ADD3: variants seen among roughly 807,000 people sequenced by gnomAD.
ADD3 encodes the protein gamma-adducin.
ADD3 carries 25 observed loss-of-function variants against 80.2 expected under a neutral mutation model. The observed-to-expected ratio is 0.31, with a 90% CI of 0.23 to 0.44. The LOEUF (loss-of-function observed/expected upper bound fraction) is 0.44, where lower values mean the gene tolerates loss of function less well. Ranked by LOEUF, ADD3 falls within the 20% of genes least tolerant of loss-of-function variation. The pLI, the probability that ADD3 is intolerant of heterozygous loss-of-function variation, is 1.00. For missense variants in ADD3, 829 were observed against 847.5 expected (o/e 0.98, Z 0.27); for synonymous variants, 284 against 289.6 (o/e 0.98, Z 0.20).
intron 1 of ADD3, among the ~76,000 whole-genome samples, chr10:110,000,505 T>C (rs941662811): frequency 6.6e-6 from 1 of 152,258 alleles, no homozygotes; most frequent in Non-Finnish European, 1.5e-5. Context: ...CTATGTGCCA[T>C]GCTCTGTTAT....
chr10:110,010,911 G>A (rs189338981), intron 1 of ADD3, among the ~76,000 whole-genome samples: 35 of 152,192 alleles, frequency 2.3e-4, no homozygotes, highest in Admixed American at 1.6e-3. Flanking sequence ...ACATCCTCTG[G>A]TATTAATACC....
intron 3 of ADD3, among the ~76,000 whole-genome samples, chr10:110,114,622 T>A (rs1466145580): frequency 6.6e-6 from 1 of 151,906 alleles, no homozygotes; most frequent in East Asian, 1.9e-4. Context: ...GTTAAGGAGG[T>A]AGAGGTTACT....
At chr10:110,108,890 C>T (rs893846046) in intron 2 of ADD3, among the ~76,000 whole-genome samples, 9 of 152,074 alleles carry the variant, frequency 5.9e-5, no homozygotes, top group Admixed American at 1.3e-4. Flanking sequence ...TTTTTTATAC[C>T]TATACTGCGT....
At chr10:110,033,149 A>T (rs1855253148) in intron 1 of ADD3, among the ~76,000 whole-genome samples, 1 of 152,232 alleles carries the variant, frequency 6.6e-6, no homozygotes, top group South Asian at 2.1e-4. Flanking sequence ...AACCCTGTTG[A>T]ATGGCTTTAC....
chr10:110,120,523 G>T (rs1332681717), intron 8 of ADD3, among the ~76,000 whole-genome samples: 1 of 151,888 alleles, frequency 6.6e-6, no homozygotes, highest in Non-Finnish European at 1.5e-5. Context: ...GAATAATGCC[G>T]CAATAAACAT....
At chr10:110,091,404 A>C (rs1316157419) in intron 1 of ADD3, among the ~76,000 whole-genome samples, 1 of 152,240 alleles carries the variant, frequency 6.6e-6, no homozygotes, top group Non-Finnish European at 1.5e-5. Flanking sequence ...TACAGTAACT[A>C]AAACAGCCTG....
intron 1 of ADD3, among the ~76,000 whole-genome samples, chr10:110,022,254 A>G (rs1486266036): frequency 2.0e-5 from 3 of 152,142 alleles, no homozygotes; most frequent in Non-Finnish European, 2.9e-5. Context: ...TAAGTTTATT[A>G]GGTCTTAAGC....
chr10:110,079,139 T>C (rs934803798), intron 1 of ADD3: 2 of 152,158 alleles, frequency 1.3e-5, no homozygotes, highest in Non-Finnish European at 2.9e-5. Flanking sequence ...TGAAAAGCAT[T>C]GAGAAGGCTT....
chr10:110,042,432 G>C (rs2133308529), intron 1 of ADD3, among the ~76,000 whole-genome samples: 1 of 152,256 alleles, frequency 6.6e-6, no homozygotes, highest in East Asian at 1.9e-4. Context: ...TTGTCGGTCA[G>C]TCTTGCTCAA....
chr10:110,131,083 A>G (rs1852917733), intron 13 of ADD3, among the ~76,000 whole-genome samples: 1 of 152,086 alleles, frequency 6.6e-6, no homozygotes, highest in East Asian at 1.9e-4. Flanking sequence ...TAAAATCTCT[A>G]TTTCTGGTTA....
chr10:110,118,817 A>G (rs12246445), intron 6 of ADD3, 81 bp downstream of exon 6: 14 of 1,374,630 alleles, frequency 1.0e-5, no homozygotes, highest in Middle Eastern at 1.8e-4. Context: ...ATGCTTTACT[A>G]TCTGCTTTTC....
At chr10:110,067,133 T>C (rs1403745789) in intron 1 of ADD3, among the ~76,000 whole-genome samples, 2 of 152,200 alleles carry the variant, frequency 1.3e-5, no homozygotes, top group Non-Finnish European at 2.9e-5. Context: ...TAGGAAGATA[T>C]TAATGCTTAG....
intron 9 of ADD3, among the ~76,000 whole-genome samples, chr10:110,123,111 C>T (rs1242729033): frequency 1.3e-5 from 2 of 152,128 alleles, no homozygotes; most frequent in Non-Finnish European, 2.9e-5. Context: ...ATTTATATCC[C>T]ATCCATCAAT....
intron 2 of ADD3, among the ~76,000 whole-genome samples, chr10:110,109,229 T>TTTTCTAAAATGA (rs1849717548): frequency 1.3e-5 from 2 of 152,208 alleles, no homozygotes; most frequent in Non-Finnish European, 2.9e-5. Flanking sequence ...GGTTGATTTT[T>TTTTCTAAAATGA]TTTTTTAATC....
Position 110,102,965 on chromosome 10 carries a change from A to G in ADD3, c.195+2117A>G, listed in dbSNP as rs534822211. Among the ~76,000 whole-genome samples, 7 of 152,234 alleles carry G rather than the reference A, an allele frequency of 4.6e-5. No individual in the cohort carries two copies. In the South Asian group the frequency reaches 1.2e-3, roughly 27 times the overall value. ...TGAAATAATGTGAAAGGGCAAACGC[A>G]TAGTGTATCATTTCCCTATTCACTT... On this transcript the variant is annotated intron_variant, in intron 2 of 14. Coordinates refer to ENST00000356080, the MANE Select transcript of ADD3 (RefSeq NM_016824.5).
At chr10:110,106,076 C>T (rs1849366686) in intron 2 of ADD3, 1 of 151,806 alleles carries the variant, frequency 6.6e-6, no homozygotes, top group African/African-American at 2.4e-5. Context: ...TGCTCCTAAT[C>T]CTGCTTTAGG....
intron 2 of ADD3, among the ~76,000 whole-genome samples, chr10:110,101,118 G>T (rs948828410): frequency 1.4e-4 from 22 of 152,144 alleles, no homozygotes; most frequent in Non-Finnish European, 2.9e-4. Context: ...ACCCAATTCA[G>T]ACTGAATATG....
intron 1 of ADD3, among the ~76,000 whole-genome samples, chr10:110,050,774 A>C (rs1183409473): frequency 6.6e-6 from 1 of 152,096 alleles, no homozygotes; most frequent in African/African-American, 2.4e-5. Context: ...CGGCCTCCCA[A>C]AGTGCTGGGA....
chr10:109,998,944 G>A (rs1052282742), intron 1 of ADD3, among the ~76,000 whole-genome samples: 3 of 150,986 alleles, frequency 2.0e-5, no homozygotes, highest in South Asian at 2.1e-4. Flanking sequence ...AACATCTGTT[G>A]TTTTCCCAGT....
Sources: gnomAD v4.1 joint callset for allele counts (sites outside exome capture counted in the v4.1 genomes callset) on GRCh38, gnomAD v4.1.1 for gene constraint, MANE v1.5 for transcripts, NCBI Gene and HGNC (gene_info 2026-07-23, HGNC 2026-07-21) for gene names.